Variants in ERO1A observed in about 807,000 individuals in gnomAD.
The protein encoded by ERO1A is ERO1-like protein alpha.
In ERO1A, 49 loss-of-function variants were observed where a neutral mutation model predicts 76.9. That is an observed-to-expected ratio of 0.64 (90% confidence interval 0.51 to 0.81). The LOEUF (loss-of-function observed/expected upper bound fraction) is 0.81. ERO1A is among the 30% of genes least tolerant of loss of function. The pLI, the probability that ERO1A is intolerant of heterozygous loss-of-function variation, is 0.00. For missense variants in ERO1A, 448 were observed against 542.1 expected (o/e 0.83, Z 1.72); for synonymous variants, 174 against 181.2 (o/e 0.96, Z 0.32).
intron 9 of ERO1A, among the ~76,000 whole-genome samples, chr14:52,659,809 G>A (rs1040064750): frequency 1.3e-5 from 2 of 149,790 alleles, no homozygotes; most frequent in African/African-American, 2.5e-5. Flanking sequence ...TTGTGTGTGT[G>A]TGTGTGTGTC....
At position 52,658,300 on chromosome 14, in the gene ERO1A, G is replaced by A. The variant is rs977899528; in HGVS notation, c.689-150C>T. On this transcript the variant is annotated intron_variant, in intron 9 of 15. Transcript: ENST00000395686. ...GTCCAAGTCTTAATTGCAATTTCTCGAAAGGAAGAAGAAAGGTTATGGATT... is the reference window on the plus strand; with the variant it reads ...GTCCAAGTCTTAATTGCAATTTCTCAAAAGGAAGAAGAAAGGTTATGGATT... 2.0e-5 allele frequency: 12 copies of A among 601,320 alleles called. No homozygotes were observed. The highest frequency in any genetic ancestry group is 5.6e-5 in the African/African-American group (3 of 53,304). The allele number at this position is 601,320 out of a possible 1,614,324, so 37.2% of individuals were successfully genotyped here.
rs1200507055 is a variant in ERO1A at position 52,641,765 on chromosome 14, T to C, written c.*1805A>G. 6.6e-6 allele frequency: 1 copy of C among 152,252 alleles called. No individual in the cohort carries two copies. Among genetic ancestry groups the C allele is most frequent in the Non-Finnish European group, 1.5e-5 (1 of 68,044 alleles). The allele number at this position is 152,252 out of a possible 1,614,324, so 9.4% of individuals were successfully genotyped here. The stretch of plus-strand genomic sequence containing the variant: ...TCTCCAAGAGGATTGACTTAATTAA[T>C]GGTTTAATGTCTTTCCTTTCCTGCC... On this transcript the variant is annotated 3_prime_UTR_variant, in exon 16 of 16. Transcript: ENST00000395686.
chr14:52,678,261 A>G (rs1180829514), intron 4 of ERO1A, 173 bp downstream of exon 4: 2 of 456,382 alleles, frequency 4.4e-6, no homozygotes, highest in Non-Finnish European at 7.8e-6. Flanking sequence ...AATAAAATAC[A>G]TAAAAAATAA....
At chr14:52,684,029 CAT>C (rs929065701) in intron 1 of ERO1A, 122 bp from the exon 2 acceptor site, 20 of 638,932 alleles carry the variant, frequency 3.1e-5, no homozygotes, top group African/African-American at 3.0e-4. Context: ...CCTCCTCCCA[CAT>C]AGTTTCTTGA....
At chr14:52,650,412 A>C (rs1227323545) in intron 13 of ERO1A, among the ~76,000 whole-genome samples, 2 of 151,570 alleles carry the variant, frequency 1.3e-5, no homozygotes, top group Non-Finnish European at 2.9e-5. Context: ...CTGTTCAGTA[A>C]GAGGTACTAA....
At chr14:52,668,609 A>T (rs911887133) in intron 6 of ERO1A, among the ~76,000 whole-genome samples, 2 of 151,778 alleles carry the variant, frequency 1.3e-5, no homozygotes, top group Non-Finnish European at 2.9e-5. Flanking sequence ...AGTATCCAGG[A>T]CTTTGAGAAA....
In ERO1A at chr14:52,646,372, T is replaced by G; in HGVS notation, c.1212+3A>C. ...AGAAATAGGAATGACTAAATTTGCT[T>G]ACCTGAAGCTTTCCCCACAGACGAC... On this transcript the variant is annotated splice_donor_region_variant and intron_variant, in intron 14 of 15. Coordinates refer to ENST00000395686, the MANE Select transcript of ERO1A (RefSeq NM_014584.3). The G allele has an allele frequency of 6.2e-7, 1 of 1,609,362 alleles. No individual in the cohort carries two copies. Among genetic ancestry groups the G allele is most frequent in the Non-Finnish European group, 8.5e-7 (1 of 1,178,564 alleles).
intron 11 of ERO1A, 133 bp from the exon 12 acceptor site, chr14:52,653,448 G>T: frequency 5.0e-6 from 3 of 599,380 alleles, no homozygotes; most frequent in South Asian, 4.5e-5. Context: ...CCAAGAAAAT[G>T]GTTTTTCACA....
intron 11 of ERO1A, among the ~76,000 whole-genome samples, chr14:52,655,194 A>G (rs112108035): frequency 0.12 from 17,978 of 152,036 alleles, 1,175 homozygotes; most frequent in East Asian, 0.21. Flanking sequence ...GTGAAACCCC[A>G]CCTCTACTAA....
At chr14:52,682,259 C>T in intron 3 of ERO1A, 66 bp downstream of exon 3, 1 of 1,297,362 alleles carries the variant, frequency 7.7e-7, no homozygotes, top group Non-Finnish European at 1.1e-6. Context: ...TTAAATAAAA[C>T]AAAACAAAAA....
rs775020914 is a variant in ERO1A at position 52,666,401 on chromosome 14, A to G, written c.603T>C (p.Asn201=). ...YKGPDAWKIW[N]VIYEENCFKP... is the part of the protein sequence containing the mutation. ...TAAAACAGTTTTCTTCGTAGATGAC[A>G]TTCCATATTTTCCAAGCATCTGGTC... The change falls in exon 7 of 16, where the codon AAT becomes AAC. Residue 201 remains asparagine, a synonymous_variant. Coordinates refer to ENST00000395686, the MANE Select transcript of ERO1A (RefSeq NM_014584.3). The G allele has an allele frequency of 2.5e-6, 4 of 1,608,502 alleles. No individual in the cohort carries two copies. The highest frequency in any genetic ancestry group is 2.5e-6 in the Non-Finnish European group (3 of 1,178,022).
intron 13 of ERO1A, 74 bp downstream of exon 13, chr14:52,652,165 T>A: frequency 2.1e-6 from 2 of 935,906 alleles, no homozygotes; most frequent in South Asian, 2.9e-5. Context: ...TCTCTACTTC[T>A]ATGAGTACTA....
intron 8 of ERO1A, among the ~76,000 whole-genome samples, chr14:52,662,133 G>A (rs2139679012): frequency 6.6e-6 from 1 of 152,148 alleles, no homozygotes; most frequent in East Asian, 1.9e-4. Context: ...TATTTTCTAT[G>A]TGACTATACC....
At position 52,666,368 on chromosome 14, in the gene ERO1A, C is replaced by T. The variant is rs749387645; in HGVS notation, c.629+7G>A. The T allele has an allele frequency of 6.3e-7, 1 of 1,580,878 alleles. No homozygotes were observed. Among genetic ancestry groups the T allele is most frequent in the Non-Finnish European group, 8.6e-7 (1 of 1,166,226 alleles). On this transcript the variant is annotated splice_region_variant and intron_variant, in intron 7 of 15. Transcript: ENST00000395686. ...TAGGAATTTTTCTAAATGAAAATGA[C>T]ACATACTTAAAACAGTTTTCTTCGT...
chr14:52,682,394 C>A lies in ERO1A; in HGVS notation c.249G>T (p.Arg83Ser), dbSNP rs1300466866. Residue 83 changes from arginine (R) to serine (S), a missense_variant, in exon 3 of 16, where the codon AGG becomes AGT. By Grantham distance (110) the Arg-to-Ser change is moderately radical (BLOSUM62 -1). Transcript: ENST00000395686. The part of the protein sequence containing the change: ...YFRYYKVNLK[R>S]PCPFWNDISQ... ...TGATGTCATTCCAGAAAGGACACGG[C>A]CTCTTCAGGTTTACCTGTAAAATAA... 4 of 1,609,222 alleles carry A rather than the reference C, an allele frequency of 2.5e-6. No individual in the cohort carries two copies. Among genetic ancestry groups the A allele is most frequent in the Non-Finnish European group, 3.4e-6 (4 of 1,177,058 alleles).
At chr14:52,653,624 T>C (rs2039949915) in intron 11 of ERO1A, among the ~76,000 whole-genome samples, 1 of 151,974 alleles carries the variant, frequency 6.6e-6, no homozygotes, top group Non-Finnish European at 1.5e-5. Flanking sequence ...ATGGCATCTT[T>C]TGATACAGGC....
intron 7 of ERO1A, among the ~76,000 whole-genome samples, chr14:52,665,296 CAAAA>C (rs34009141): frequency 1.1e-5 from 1 of 90,454 alleles, no homozygotes; most frequent in Admixed American, 1.2e-4. Flanking sequence ...GACTTCATCT[CAAAA>C]AAAAAAAAAA....
chr14:52,683,896 G>GT lies in ERO1A; in HGVS notation c.125dup (p.Tyr42Ter), dbSNP rs776315516. The change falls in exon 2 of 16, where the codon TAC becomes TAAC. Residue 42 changes from tyrosine (Y) to a stop codon, truncating the protein, a stop_gained and frameshift_variant. Transcript: ENST00000395686. LOFTEE classifies it high-confidence loss of function. ...CAACATCACAGGTACAATCATCCAA[G>GT]TAACCACTAACCTGTTACAAAGAAA... is the stretch of plus-strand genomic sequence containing the variant. ...AQRCFCQVSGYLDDCTCDVET... is the reference protein window; with the variant it reads ...AQRCFCQVSG 6.3e-7 allele frequency: 1 copy of GT among 1,583,332 alleles called. No individual in the cohort carries two copies. The highest frequency in any genetic ancestry group is 1.2e-5 in the South Asian group (1 of 84,836).
At chr14:52,694,160 T>G (rs2041460313) in intron 1 of ERO1A, among the ~76,000 whole-genome samples, 1 of 152,232 alleles carries the variant, frequency 6.6e-6, no homozygotes, top group Non-Finnish European at 1.5e-5. Flanking sequence ...TATTTCTATC[T>G]TATTTTTTAA....
Sources: gnomAD v4.1 joint callset for allele counts (sites outside exome capture counted in the v4.1 genomes callset) on GRCh38, gnomAD v4.1.1 for gene constraint, MANE v1.5 for transcripts, NCBI Gene and HGNC (gene_info 2026-07-23, HGNC 2026-07-21) for gene names.